The following MUSK variants were observed in gnomAD, a reference collection of about 807,000 sequenced individuals.
MUSK encodes the protein muscle, skeletal receptor tyrosine-protein kinase.
Under a neutral mutation model 88.7 loss-of-function variants are expected in MUSK, and 55 were observed. The observed-to-expected ratio is 0.62, with a 90% confidence interval of 0.50 to 0.78. The LOEUF (loss-of-function observed/expected upper bound fraction) is 0.78. Ranked by LOEUF, MUSK falls within the 30% of genes least tolerant of loss-of-function variation. MUSK has a pLI of 0.00. For missense variants in MUSK, 1,015 were observed against 1,074.3 expected (o/e 0.94, Z 0.77); for synonymous variants, 387 against 391.9 (o/e 0.99, Z 0.15).
chr9:110,757,966 A>ATTTTG (rs2077348275), intron 7 of MUSK, among the ~76,000 whole-genome samples: 1 of 152,036 alleles, frequency 6.6e-6, no homozygotes, highest in Non-Finnish European at 1.5e-5. Context: ...TAAAGGTTTT[A>ATTTTG]TTTTGTTTTG....
chr9:110,767,109 G>A (rs1460140521), intron 8 of MUSK, among the ~76,000 whole-genome samples: 2 of 152,210 alleles, frequency 1.3e-5, no homozygotes, highest in Admixed American at 6.5e-5. Flanking sequence ...CGAGTTCAGA[G>A]TAATTACTTA....
intron 7 of MUSK, chr9:110,748,107 T>C: frequency 2.2e-6 from 1 of 456,304 alleles, no homozygotes; most frequent in Non-Finnish European, 4.3e-6. Flanking sequence ...CTTTCCTCCC[T>C]CCCTCCTTCC....
chr9:110,741,430 A>G (rs1287586202), intron 6 of MUSK, among the ~76,000 whole-genome samples: 1 of 152,130 alleles, frequency 6.6e-6, no homozygotes, highest in Non-Finnish European at 1.5e-5. Flanking sequence ...CCAAAAGGTG[A>G]GAACTAGGAC....
At chr9:110,787,320 C>T (rs1219744579) in intron 13 of MUSK, among the ~76,000 whole-genome samples, 1 of 138,962 alleles carries the variant, frequency 7.2e-6, no homozygotes, top group Non-Finnish European at 1.5e-5. Context: ...CTAGATCATG[C>T]CACTGCACTC....
rs370827488 is a variant in MUSK at position 110,670,922 on chromosome 9, G to T, written c.79+1939G>T. 8.7e-4 allele frequency among the ~76,000 whole-genome samples: 132 copies of T among 152,096 alleles called. 3 individuals are homozygous for T. In the South Asian group the frequency reaches 0.021, roughly 25 times the overall value. Reference sequence around the variant, plus strand: ...TCCTTAAAATTTTAAATGTTGAAGGGTGAGGAATACATTGGTAGAAAAGAA... The same window carrying T: ...TCCTTAAAATTTTAAATGTTGAAGGTTGAGGAATACATTGGTAGAAAAGAA... On this transcript the variant is annotated intron_variant, in intron 1 of 14. Coordinates refer to ENST00000374448, the MANE Select transcript of MUSK (RefSeq NM_005592.4).
At chr9:110,761,567 CTTTTTTTTTTTTTT>C (rs1168716499) in intron 7 of MUSK, among the ~76,000 whole-genome samples, 1 of 52,720 alleles carries the variant, frequency 1.9e-5, no homozygotes. Flanking sequence ...CCACATCTTG[CTTTTTTTTTTTTTT>C]TTTTTTTTTT....
chr9:110,702,651 G>A (rs2076545584), intron 5 of MUSK, among the ~76,000 whole-genome samples: 1 of 152,158 alleles, frequency 6.6e-6, no homozygotes, highest in Admixed American at 6.5e-5. Context: ...GCTCACCCCT[G>A]TAATCCCAGC....
intron 3 of MUSK, among the ~76,000 whole-genome samples, chr9:110,689,981 A>ATT (rs1564218733): frequency 1.4e-5 from 1 of 72,428 alleles, no homozygotes. Flanking sequence ...TTATATTATA[A>ATT]ATATTATAAT....
At chr9:110,673,963 A>G (rs2075992741) in intron 1 of MUSK, among the ~76,000 whole-genome samples, 1 of 152,198 alleles carries the variant, frequency 6.6e-6, no homozygotes. Flanking sequence ...ACTTAGCACT[A>G]AAGCATGAGC....
Position 110,806,328 on chromosome 9 carries a change from C to T in MUSK, c.*5340C>T, listed in dbSNP as rs1182622831. On this transcript the variant is annotated 3_prime_UTR_variant, in exon 15 of 15. Coordinates refer to ENST00000374448, the MANE Select transcript of MUSK (RefSeq NM_005592.4). Reference sequence around the variant, plus strand: ...GGTTACCTACTGATTCTGGATTGTGCTACATAAAATTAGAGCTTCCAAATT... The same window carrying T: ...GGTTACCTACTGATTCTGGATTGTGTTACATAAAATTAGAGCTTCCAAATT... Among the ~76,000 whole-genome samples, 1 of 152,130 alleles carries T rather than the reference C, an allele frequency of 6.6e-6. No homozygotes were observed. Among genetic ancestry groups the T allele is most frequent in the East Asian group, 1.9e-4 (1 of 5,192 alleles).
chr9:110,710,268 G>A (rs985753670), intron 5 of MUSK, among the ~76,000 whole-genome samples: 4 of 152,166 alleles, frequency 2.6e-5, no homozygotes, highest in African/African-American at 4.8e-5. Flanking sequence ...CCAGTTATGT[G>A]AGGTAGGATA....
At chr9:110,700,792 A>T (rs561722026) in intron 5 of MUSK, among the ~76,000 whole-genome samples, 1 of 152,286 alleles carries the variant, frequency 6.6e-6, no homozygotes, top group South Asian at 2.1e-4. Flanking sequence ...CTGTATACAG[A>T]GGGTGACCAC....
chr9:110,799,729 G>A (rs2078062941), intron 14 of MUSK, among the ~76,000 whole-genome samples: 1 of 152,178 alleles, frequency 6.6e-6, no homozygotes, highest in South Asian at 2.1e-4. Flanking sequence ...AAACGTTGGG[G>A]AGAAACCTCA....
At chr9:110,781,819 T>C (rs1208763237) in intron 11 of MUSK, among the ~76,000 whole-genome samples, 1 of 152,138 alleles carries the variant, frequency 6.6e-6, no homozygotes, top group Non-Finnish European at 1.5e-5. Flanking sequence ...ATTAATTCCA[T>C]TTATCAGGAC....
At chr9:110,754,121 T>G (rs897034755) in intron 7 of MUSK, among the ~76,000 whole-genome samples, 1 of 152,234 alleles carries the variant, frequency 6.6e-6, no homozygotes, top group Non-Finnish European at 1.5e-5. Flanking sequence ...TTCTCTGGTT[T>G]TAAATTAATT....
chr9:110,771,996 T>C lies in MUSK; in HGVS notation c.1185-3792T>C, dbSNP rs563054408. On this transcript the variant is annotated intron_variant, in intron 9 of 14. Transcript: ENST00000374448. Reference sequence around the variant, plus strand: ...TATATAATAAAGCCATTTCATTTTATTATATTTATATACAACAACCGCTTT... The same window carrying C: ...TATATAATAAAGCCATTTCATTTTACTATATTTATATACAACAACCGCTTT... 3.3e-5 allele frequency among the ~76,000 whole-genome samples: 5 copies of C among 151,930 alleles called. No individual in the cohort carries two copies. In the South Asian group the frequency reaches 1.0e-3, roughly 32 times the overall value.
intron 9 of MUSK, among the ~76,000 whole-genome samples, chr9:110,774,190 T>C (rs1276389379): frequency 2.0e-5 from 3 of 152,212 alleles, no homozygotes; most frequent in Non-Finnish European, 4.4e-5. Flanking sequence ...AGTTAGGTCC[T>C]TTCTTTCTGC....
chr9:110,684,108 A>G (rs1190098550), intron 2 of MUSK, among the ~76,000 whole-genome samples: 1 of 152,126 alleles, frequency 6.6e-6, no homozygotes, highest in East Asian at 1.9e-4. Context: ...AGTTTCATAG[A>G]TTGAAGTCTT....
intron 6 of MUSK, among the ~76,000 whole-genome samples, chr9:110,740,967 T>A (rs922253614): frequency 2.0e-5 from 3 of 152,054 alleles, no homozygotes; most frequent in African/African-American, 7.3e-5. Flanking sequence ...CAGAATAGAA[T>A]AGTGGCTGTC....
Sources: gnomAD v4.1 joint callset for allele counts (sites outside exome capture counted in the v4.1 genomes callset) on GRCh38, gnomAD v4.1.1 for gene constraint, MANE v1.5 for transcripts, NCBI Gene and HGNC (gene_info 2026-07-23, HGNC 2026-07-21) for gene names.